TEX29: variants seen among roughly 807,000 people sequenced by gnomAD.
TEX29 encodes the protein testis-expressed protein 29.
A neutral mutation model predicts 18.2 loss-of-function variants in TEX29; 26 were observed. The observed-to-expected ratio is 1.43, with a 90% CI of 1.04 to 1.98. The LOEUF (loss-of-function observed/expected upper bound fraction) is 1.98, where lower values mean the gene tolerates loss of function less well. Ranked by LOEUF, TEX29 falls within the 30% of genes most tolerant of loss-of-function variation. TEX29 has a pLI of 0.00. For missense variants in TEX29, 177 were observed against 194.2 expected, an observed-to-expected ratio of 0.91 and a Z score of 0.53; for synonymous variants, 83 against 78.5, an observed-to-expected ratio of 1.06 and a Z score of -0.31.
At chr13:111,332,262 T>A (rs1348705239) in intron 3 of TEX29, among the ~76,000 whole-genome samples, 2 of 152,226 alleles carry the variant, frequency 1.3e-5, no homozygotes, top group African/African-American at 4.8e-5. Context: ...TTGAGCTTTT[T>A]AAATTAAATT....
chr13:111,319,151 T>C (rs1239538340), upstream of TEX29, among the ~76,000 whole-genome samples: 1 of 152,176 alleles, frequency 6.6e-6, no homozygotes, highest in Non-Finnish European at 1.5e-5. Context: ...GGATTTTGAC[T>C]TGTGCATTTT....
At chr13:111,317,451 C>T (rs1057212052), upstream of TEX29, among the ~76,000 whole-genome samples, 1 of 152,168 alleles carries the variant, frequency 6.6e-6, no homozygotes, top group African/African-American at 2.4e-5. Context: ...AGGGTGGGGG[C>T]CACAGGCTCT....
chr13:111,334,879 G>C (rs2254349), intron 3 of TEX29, among the ~76,000 whole-genome samples: 68,853 of 152,066 alleles, frequency 0.45, 16,176 homozygotes, highest in East Asian at 0.77. Context: ...TGTTCTGCCC[G>C]CTGCAGTGGC....
chr13:111,328,154 G>T, intron 2 of TEX29, 29 bp from the exon 3 acceptor site: 2 of 1,479,938 alleles, frequency 1.4e-6, no homozygotes, highest in South Asian at 1.1e-5. Context: ...TTTCGGGGGT[G>T]ACACTTGTGT....
At chr13:111,342,703 A>C in intron 4 of TEX29, 53 bp from the exon 5 acceptor site, 1 of 1,574,870 alleles carries the variant, frequency 6.3e-7, no homozygotes, top group South Asian at 1.2e-5. Flanking sequence ...GAGGAACTGG[A>C]GAGTTTTCCA....
At chr13:111,318,037 C>T (rs2093657497), upstream of TEX29, among the ~76,000 whole-genome samples, 1 of 152,152 alleles carries the variant, frequency 6.6e-6, no homozygotes, top group African/African-American at 2.4e-5. Context: ...GGGGTTAGGA[C>T]TTCAACATCT....
upstream of TEX29, among the ~76,000 whole-genome samples, chr13:111,318,065 A>C (rs1364093137): frequency 6.6e-6 from 1 of 152,136 alleles, no homozygotes; most frequent in South Asian, 2.1e-4. Flanking sequence ...GAGGAAACAC[A>C]GTTCAGCCTG....
At chr13:111,332,140 A>T (rs989309627) in intron 3 of TEX29, among the ~76,000 whole-genome samples, 2 of 152,136 alleles carry the variant, frequency 1.3e-5, no homozygotes, top group African/African-American at 4.8e-5. Flanking sequence ...TTTGGGAAGT[A>T]TTGCCATCTT....
intron 3 of TEX29, among the ~76,000 whole-genome samples, chr13:111,338,331 G>T (rs1248876722): frequency 6.6e-6 from 1 of 152,172 alleles, no homozygotes; most frequent in Non-Finnish European, 1.5e-5. Flanking sequence ...ACAGAGGAAA[G>T]ACAGCCACGT....
At chr13:111,327,206 G>A (rs2093675486) in intron 2 of TEX29, among the ~76,000 whole-genome samples, 1 of 152,228 alleles carries the variant, frequency 6.6e-6, no homozygotes, top group Admixed American at 6.5e-5. Flanking sequence ...CCTCGGCAGG[G>A]CTCCCGTGTC....
At chr13:111,330,133 A>G (rs1028335571) in intron 3 of TEX29, among the ~76,000 whole-genome samples, 1 of 152,184 alleles carries the variant, frequency 6.6e-6, no homozygotes, top group Non-Finnish European at 1.5e-5. Flanking sequence ...AAAAAGGAAA[A>G]AAAAAGTTTT....
intron 2 of TEX29, among the ~76,000 whole-genome samples, chr13:111,323,650 C>T (rs1235018618): frequency 6.6e-6 from 1 of 151,576 alleles, no homozygotes; most frequent in Non-Finnish European, 1.5e-5. Flanking sequence ...TGTGGTCCTG[C>T]ACACCCCAGA....
At chr13:111,322,296 G>C (rs1320769395) in intron 2 of TEX29, among the ~76,000 whole-genome samples, 1 of 152,228 alleles carries the variant, frequency 6.6e-6, no homozygotes, top group African/African-American at 2.4e-5. Context: ...CTGGGGCCCC[G>C]AGGGAACGGG....
chr13:111,324,458 G>A lies in TEX29; in HGVS notation c.58+3510G>A, dbSNP rs191344961. Among the ~76,000 whole-genome samples the A allele has an allele frequency of 1.5e-3, 225 of 152,306 alleles. 2 individuals carry two copies. Among genetic ancestry groups the A allele is most frequent in the African/African-American group, 4.0e-3 (165 of 41,556 alleles). On this transcript the variant is annotated intron_variant, in intron 2 of 5. Coordinates refer to ENST00000283547, the MANE Select transcript of TEX29 (RefSeq NM_152324.3). ...TCTGCCAGCTGCTTCTCCAGGAGGC[G>A]ACCATGGTCTGTCCCCTGCTAATTG...
chr13:111,321,625 CAAAA>C (rs60423908), intron 2 of TEX29, among the ~76,000 whole-genome samples: 14 of 150,604 alleles, frequency 9.3e-5, no homozygotes, highest in Non-Finnish European at 1.6e-4. Flanking sequence ...ACAACAAAAA[CAAAA>C]AAAAACCCAA....
At chr13:111,328,354 C>A (rs2093677558) in intron 3 of TEX29, 61 bp downstream of exon 3, 2 of 1,136,298 alleles carry the variant, frequency 1.8e-6, no homozygotes, top group Non-Finnish European at 2.7e-6. Flanking sequence ...CCATGCCGAC[C>A]ACTGCCCTGC....
intron 4 of TEX29, 110 bp from the exon 5 acceptor site, chr13:111,342,646 T>C (rs2093698401): frequency 2.0e-6 from 2 of 1,022,962 alleles, no homozygotes; most frequent in Admixed American, 2.8e-5. Context: ...TAAGTATGCA[T>C]GATCAGGAAC....
At chr13:111,332,610 T>G (rs909603999) in intron 3 of TEX29, among the ~76,000 whole-genome samples, 1 of 152,214 alleles carries the variant, frequency 6.6e-6, no homozygotes, top group Admixed American at 6.5e-5. Context: ...GTTCCTGATC[T>G]TAAGAAGAAA....
intron 3 of TEX29, among the ~76,000 whole-genome samples, chr13:111,328,687 A>G (rs947844025): frequency 2.6e-5 from 4 of 152,210 alleles, no homozygotes; most frequent in Non-Finnish European, 5.9e-5. Context: ...GGGTGAGCCC[A>G]TCAGGGTGGA....
Sources: gnomAD v4.1 joint callset for allele counts (sites outside exome capture counted in the v4.1 genomes callset) on GRCh38, gnomAD v4.1.1 for gene constraint, MANE v1.5 for transcripts, NCBI Gene and HGNC (gene_info 2026-07-23, HGNC 2026-07-21) for gene names.